TNRC18: variants seen among roughly 807,000 people sequenced by gnomAD.
TNRC18 encodes the protein trinucleotide repeat-containing gene 18 protein.
A neutral mutation model predicts 226.7 loss-of-function variants in TNRC18; 69 were observed. That is an observed-to-expected ratio of 0.30 (90% confidence interval 0.25 to 0.37). TNRC18 has a LOEUF of 0.37. Among genes scored for constraint, TNRC18 ranks in the 10% least tolerant of loss-of-function variants. The probability of loss-of-function intolerance (pLI) is 1.00; values close to 1 mark genes in which losing one functional copy is unlikely to be tolerated. For missense variants in TNRC18, 4,754 were observed against 4,256.6 expected, an observed-to-expected ratio of 1.12 and a Z score of -3.25; for synonymous variants, 2,449 against 1,927.6, an observed-to-expected ratio of 1.27 and a Z score of -7.09.
At position 5,309,045 on chromosome 7, in the gene TNRC18, C is replaced by T; in HGVS notation, c.8625+87G>A. 6.0e-6 allele frequency: 9 copies of T among 1,503,354 alleles called. No homozygotes were observed. The highest frequency in any genetic ancestry group is 8.1e-6 in the Non-Finnish European group (9 of 1,104,536). 93.1% of individuals were successfully genotyped at this position (1,503,354 alleles called of 1,614,324 possible). A position where few individuals can be genotyped will look rare whatever the true frequency, so the allele number is the denominator to read the frequency against. Reference sequence around the variant, plus strand: ...AGGGCTGACCCACTGGGCAGGGCTGCTGATGCTCCAGCACCCAGAACGCCT... The same window carrying T: ...AGGGCTGACCCACTGGGCAGGGCTGTTGATGCTCCAGCACCCAGAACGCCT... On this transcript the variant is annotated intron_variant, in intron 28 of 29. Transcript: ENST00000430969. This position sits in a 1 kb window ranked among gnomAD's most constrained non-coding sequence, Gnocchi z 5.7.
At chr7:5,337,779 T>A (rs1489896782) in intron 18 of TNRC18, among the ~76,000 whole-genome samples, 1 of 152,016 alleles carries the variant, frequency 6.6e-6, no homozygotes, top group Non-Finnish European at 1.5e-5. Flanking sequence ...GCTCAGGAGT[T>A]CAAGACCAGC....
chr7:5,384,635 G>A (rs1779629832), intron 5 of TNRC18, among the ~76,000 whole-genome samples: 1 of 152,138 alleles, frequency 6.6e-6, no homozygotes, highest in South Asian at 2.1e-4. Flanking sequence ...CACCCCATGT[G>A]ACGGGAGGAT....
chr7:5,370,462 C>T lies in TNRC18; in HGVS notation c.4132G>A (p.Val1378Ile). ...CCATGCAGGAAGCTCTGCTCCAAGA[C>T]AAGGCTCTCGGCTGCTTCCAGCTTC... ...LEKLEAAESL[V>I]LEQSFLHGIT... Residue 1378 changes from valine (V) to isoleucine (I), a missense_variant, in exon 11 of 30, where the codon GTC (valine) becomes ATC (isoleucine). Transcript: ENST00000430969. 6.3e-7 allele frequency: 1 copy of T among 1,575,162 alleles called. No individual in the cohort carries two copies.
At chr7:5,408,938 G>A (rs112743823) in intron 2 of TNRC18, among the ~76,000 whole-genome samples, 19 of 152,318 alleles carry the variant, frequency 1.2e-4, no homozygotes, top group African/African-American at 3.8e-4. Context: ...GTGGACCAAA[G>A]GGAAAACAGG....
chr7:5,361,002 T>C (rs116382839), intron 14 of TNRC18, among the ~76,000 whole-genome samples: 2,959 of 152,266 alleles, frequency 0.019, 65 homozygotes, highest in South Asian at 0.062. Context: ...CCGATCGTGC[T>C]ACAGACACCG....
chr7:5,355,575 C>A (rs1792275540), intron 16 of TNRC18, among the ~76,000 whole-genome samples: 1 of 152,170 alleles, frequency 6.6e-6, no homozygotes, highest in Admixed American at 6.5e-5. Flanking sequence ...AACAGGGAGA[C>A]CCCATCTCTA....
At chr7:5,413,593 G>C (rs529821832) in intron 2 of TNRC18, among the ~76,000 whole-genome samples, 7 of 152,136 alleles carry the variant, frequency 4.6e-5, no homozygotes, top group Non-Finnish European at 1.0e-4. Flanking sequence ...GCAGTGGTGC[G>C]ACCACAACTC....
chr7:5,344,474 G>C (rs898061104), intron 18 of TNRC18, among the ~76,000 whole-genome samples: 1 of 152,218 alleles, frequency 6.6e-6, no homozygotes, highest in Non-Finnish European at 1.5e-5. Flanking sequence ...AGAGCGAGGA[G>C]GGGGAAGGCA....
In TNRC18 at chr7:5,420,709, G is replaced by A. The variant is rs1297578143; in HGVS notation, c.187+351C>T. On this transcript the variant is annotated intron_variant, in intron 2 of 29. Transcript: ENST00000430969. Reference sequence around the variant, plus strand: ...TCGGGGAGCGGGTGTCTCGCGGGGTGCGGGGGCCGGTTTGTTCTTTTCTCG... The same window carrying A: ...TCGGGGAGCGGGTGTCTCGCGGGGTACGGGGGCCGGTTTGTTCTTTTCTCG... 12 of 535,426 alleles carry A rather than the reference G, an allele frequency of 2.2e-5. No individual in the cohort carries two copies. The East Asian group carries it at 5.0e-4, about 22-fold the overall frequency. The allele number at this position is 535,426 out of a possible 1,614,324, so 33.2% of individuals were successfully genotyped here.
At chr7:5,412,717 G>C (rs1562639119) in intron 2 of TNRC18, among the ~76,000 whole-genome samples, 1 of 152,144 alleles carries the variant, frequency 6.6e-6, no homozygotes, top group Non-Finnish European at 1.5e-5. Context: ...CCTTTAACTG[G>C]AGAAACAACA....
Position 5,378,019 on chromosome 7 carries a change from C to A in TNRC18, c.2158G>T (p.Gly720Cys). 6.2e-7 allele frequency: 1 copy of A among 1,609,886 alleles called. No homozygotes were observed. The highest frequency in any genetic ancestry group is 8.5e-7 in the Non-Finnish European group (1 of 1,179,428). ...SLSLSNVKGHGRADEDCVDDR... is the reference protein window; with the variant it reads ...SLSLSNVKGHCRADEDCVDDR... ...TCCACACAGTCCTCATCTGCTCGGC[C>A]GTGCCCTGCAGGGGGCCAGGTGGAA... The change falls in exon 6 of 30, where the codon GGC (glycine) becomes TGC (cysteine). Residue 720 changes from glycine to cysteine, a missense_variant. Coordinates refer to ENST00000430969, the MANE Select transcript of TNRC18 (RefSeq NM_001080495.3).
chr7:5,380,185 C>T (rs968928536), intron 5 of TNRC18, among the ~76,000 whole-genome samples: 1 of 152,212 alleles, frequency 6.6e-6, no homozygotes, highest in Admixed American at 6.5e-5. Context: ...ATGGCTCACG[C>T]CTGTAATCCC....
rs1285250642 is a variant in TNRC18, at chr7:5,332,727, G to C, written c.6042C>G (p.Pro2014=). 2.6e-6 allele frequency: 4 copies of C among 1,524,974 alleles called. No individual in the cohort carries two copies. The highest frequency in any genetic ancestry group is 1.4e-5 in the African/African-American group (1 of 70,926). 94.5% of individuals were successfully genotyped at this position (1,524,974 alleles called of 1,614,324 possible). A position where few individuals can be genotyped will look rare whatever the true frequency, so the allele number is the denominator to read the frequency against. Residue 2014 remains proline, a synonymous_variant, in exon 19 of 30, where the codon CCC becomes CCG. Coordinates refer to ENST00000430969, the MANE Select transcript of TNRC18 (RefSeq NM_001080495.3). The stretch of plus-strand genomic sequence containing the variant: ...TCTTGGTGGCGGGCGCGGTGCTGAC[G>C]GGCGCAGGTGCAGCAGCCGAGGCGT... The part of the protein sequence containing the change: ...LHDASAAAPA[P]VSTAPATKTS...
intron 2 of TNRC18, among the ~76,000 whole-genome samples, chr7:5,395,649 GC>G (rs759182321): frequency 2.0e-5 from 3 of 152,240 alleles, no homozygotes; most frequent in Non-Finnish European, 4.4e-5. Context: ...AGATAAACAT[GC>G]CTCCCTTCGG....
At position 5,309,568 on chromosome 7, in the gene TNRC18, A is replaced by G. The variant is rs527715460; in HGVS notation, c.8389-200T>C. Among the ~76,000 whole-genome samples the G allele has an allele frequency of 6.6e-6, 1 of 152,360 alleles. No individual in the cohort carries two copies. The highest frequency in any genetic ancestry group is 1.9e-4 in the East Asian group (1 of 5,178). On this transcript the variant is annotated intron_variant, in intron 27 of 29. Transcript: ENST00000430969. This position sits in a 1 kb window ranked among gnomAD's most constrained non-coding sequence, Gnocchi z 5.7. ...ATCTCTTTGACATGCTGGGTCTCCA[A>G]GAGGCGCTTCCCTTGATCTAAGCAT...
Position 5,376,966 on chromosome 7 carries a change from C to G in TNRC18, c.2489G>C (p.Gly830Ala). 2 of 1,586,370 alleles carry G rather than the reference C, an allele frequency of 1.3e-6. No individual in the cohort carries two copies. The highest frequency in any genetic ancestry group is 1.7e-6 in the Non-Finnish European group (2 of 1,166,616). The change falls in exon 8 of 30, where the codon GGC becomes GCC. Residue 830 changes from glycine (G) to alanine (A), a missense_variant. Physicochemically the swap from Gly to Ala is moderately conservative, Grantham distance 60. Transcript: ENST00000430969. Reference protein sequence around the residue: ...YGLGPPSLHQGMAPAFPPGLG... With the variant: ...YGLGPPSLHQAMAPAFPPGLG... The stretch of plus-strand genomic sequence containing the variant: ...GCCAGGTGGGAACGCAGGGGCCATG[C>G]CCTGGTGCAGAGATGGGGGACCCAA...
At chr7:5,329,244 A>G (rs1437547073) in intron 19 of TNRC18, among the ~76,000 whole-genome samples, 4 of 151,934 alleles carry the variant, frequency 2.6e-5, no homozygotes, top group Non-Finnish European at 4.4e-5. Context: ...CAGAGGTTTC[A>G]GCGAGCCAAG....
intron 11 of TNRC18, among the ~76,000 whole-genome samples, chr7:5,368,092 C>A (rs1449707212): frequency 3.3e-5 from 5 of 151,542 alleles, no homozygotes; most frequent in African/African-American, 9.7e-5. Flanking sequence ...GACGAAAATG[C>A]CTGACCATCT....
intron 2 of TNRC18, among the ~76,000 whole-genome samples, chr7:5,416,097 G>A (rs1339060165): frequency 2.9e-5 from 4 of 140,070 alleles, no homozygotes; most frequent in Admixed American, 7.4e-5. Flanking sequence ...GGGCGACAGA[G>A]CAAGACTCTC....
Sources: gnomAD v4.1 joint callset for allele counts (sites outside exome capture counted in the v4.1 genomes callset) on GRCh38, gnomAD v4.1.1 for gene constraint, Gnocchi (gnomAD v3.1) non-coding constraint, MANE v1.5 for transcripts, NCBI Gene and HGNC (gene_info 2026-07-23, HGNC 2026-07-21) for gene names.